MED27: variants seen among roughly 807,000 people sequenced by gnomAD.
MED27 encodes the protein mediator of RNA polymerase II transcription subunit 27.
Under a neutral mutation model 38.2 loss-of-function variants are expected in MED27, and 30 were observed. The ratio of observed to expected loss-of-function variants is 0.79; its 90% confidence interval spans 0.59 to 1.07. The LOEUF (loss-of-function observed/expected upper bound fraction) is 1.07. Ranked by LOEUF, MED27 falls within the 50% of genes least tolerant of loss-of-function variation. MED27 has a pLI of 0.00. For synonymous variants in MED27, 122 were observed against 153.5 expected, an observed-to-expected ratio of 0.79 and a Z score of 1.52; for missense variants, 289 against 397.5, an observed-to-expected ratio of 0.73 and a Z score of 2.32.
intron 2 of MED27, among the ~76,000 whole-genome samples, chr9:132,059,471 C>G (rs1032245134): frequency 1.3e-5 from 2 of 152,234 alleles, no homozygotes; most frequent in Admixed American, 1.3e-4. Context: ...CTAAGACCAA[C>G]CTGCCAGCAA....
intron 6 of MED27, among the ~76,000 whole-genome samples, chr9:131,875,431 C>A (rs573193754): frequency 1.7e-4 from 26 of 152,250 alleles, no homozygotes; most frequent in African/African-American, 4.3e-4. Flanking sequence ...CTGACTCCAG[C>A]CTATACCCTG....
intron 5 of MED27, among the ~76,000 whole-genome samples, chr9:131,888,572 A>G (rs1027076768): frequency 6.6e-6 from 1 of 152,180 alleles, no homozygotes; most frequent in African/African-American, 2.4e-5. Flanking sequence ...TCAGAAAGTT[A>G]TCAATACTTC....
At chr9:131,908,436 C>G (rs374401034) in intron 4 of MED27, among the ~76,000 whole-genome samples, 2 of 152,164 alleles carry the variant, frequency 1.3e-5, no homozygotes, top group Non-Finnish European at 2.9e-5. Flanking sequence ...GAATAGAAAG[C>G]GGGGAAAGGT....
At chr9:131,940,068 G>A (rs1250458280) in intron 3 of MED27, among the ~76,000 whole-genome samples, 11 of 151,688 alleles carry the variant, frequency 7.3e-5, no homozygotes, top group Admixed American at 2.0e-4. Context: ...CACCACACCT[G>A]GCTACTTTTT....
chr9:131,944,791 C>G (rs922169513), intron 3 of MED27, among the ~76,000 whole-genome samples: 30 of 152,074 alleles, frequency 2.0e-4, no homozygotes, highest in African/African-American at 5.6e-4. Flanking sequence ...CTCTGCCTCC[C>G]AAAGTGTTGG....
intron 4 of MED27, among the ~76,000 whole-genome samples, chr9:131,922,442 C>T (rs1397878343): frequency 2.2e-4 from 26 of 120,320 alleles, no homozygotes; most frequent in African/African-American, 7.6e-4. Flanking sequence ...GCTTCTGTGT[C>T]TTTTTTTTTT....
At chr9:132,017,582 C>T (rs997469087) in intron 2 of MED27, among the ~76,000 whole-genome samples, 1 of 152,140 alleles carries the variant, frequency 6.6e-6, no homozygotes, top group Non-Finnish European at 1.5e-5. Flanking sequence ...ACTTTCATAT[C>T]TTACAAGTGC....
intron 2 of MED27, among the ~76,000 whole-genome samples, chr9:132,047,149 A>T (rs1293965927): frequency 6.6e-6 from 1 of 152,072 alleles, no homozygotes. Context: ...TGTTTCAGGG[A>T]TCTCTCTGCC....
At position 131,860,597 on chromosome 9, in the gene MED27, G is replaced by A; in HGVS notation, c.877C>T (p.Pro293Ser). ...RCGKFLQDGL[P>S]PTWRDFRTLE... ...GTTCGGAAATCCCTCCATGTCGGGG[G>A]AAGGCCGTCCTGCAGAAACTTCCCG... Residue 293 changes from proline (P) to serine (S), a missense_variant, in exon 8 of 8, where the codon CCC (proline) becomes TCC (serine). Pro to Ser is a moderately conservative substitution (Grantham distance 74, BLOSUM62 -1). Coordinates refer to ENST00000292035, the MANE Select transcript of MED27 (RefSeq NM_004269.4). The surrounding 1 kb of genome is among the most constrained non-coding windows in gnomAD (Gnocchi z 5.8). The A allele has an allele frequency of 6.2e-7, 1 of 1,606,006 alleles. No homozygotes were observed. Among genetic ancestry groups the A allele is most frequent in the Non-Finnish European group, 8.5e-7 (1 of 1,176,594 alleles).
chr9:131,867,523 A>T (rs1046858733), intron 6 of MED27, among the ~76,000 whole-genome samples: 1 of 152,252 alleles, frequency 6.6e-6, no homozygotes, highest in Admixed American at 6.5e-5. Flanking sequence ...GAAATGGGCC[A>T]CCATGTTGGC....
chr9:131,910,767 C>T (rs1348114452), intron 4 of MED27, among the ~76,000 whole-genome samples: 2 of 152,180 alleles, frequency 1.3e-5, no homozygotes, highest in Non-Finnish European at 2.9e-5. Flanking sequence ...TAAAAAGAGC[C>T]CAACTCTTTG....
At chr9:131,948,595 A>G (rs1042012508) in intron 3 of MED27, among the ~76,000 whole-genome samples, 4 of 152,226 alleles carry the variant, frequency 2.6e-5, no homozygotes, top group Non-Finnish European at 2.9e-5. Context: ...CGTACTGCAG[A>G]CAGAAATAAA....
At chr9:132,054,090 T>C (rs1431219624) in intron 2 of MED27, among the ~76,000 whole-genome samples, 7 of 152,024 alleles carry the variant, frequency 4.6e-5, no homozygotes, top group African/African-American at 1.7e-4. Flanking sequence ...GAAGGTAGCA[T>C]GCTGATATAG....
intron 3 of MED27, among the ~76,000 whole-genome samples, chr9:131,952,588 T>C (rs551419543): frequency 2.0e-5 from 3 of 152,180 alleles, no homozygotes; most frequent in African/African-American, 7.2e-5. Flanking sequence ...ACTGCATCCA[T>C]GGGCTCCTTT....
intron 3 of MED27, among the ~76,000 whole-genome samples, chr9:132,008,873 G>A (rs1004287512): frequency 5.3e-5 from 8 of 152,186 alleles, no homozygotes; most frequent in East Asian, 1.9e-4. Context: ...TTCCTCCACC[G>A]TTTAAAAACA....
intron 2 of MED27, chr9:132,073,868 A>C (rs1833993568): frequency 7.9e-7 from 1 of 1,262,618 alleles, no homozygotes; most frequent in Non-Finnish European, 1.0e-6. Flanking sequence ...AGATGTTGCC[A>C]GGGAAAGGCG....
chr9:131,964,318 T>C, intron 3 of MED27, among the ~76,000 whole-genome samples: 1 of 149,076 alleles, frequency 6.7e-6, no homozygotes, highest in Non-Finnish European at 1.5e-5. Flanking sequence ...GTGCTGGTGC[T>C]GGTGGTGGAG....
chr9:131,896,183 G>A (rs544297803), intron 4 of MED27, among the ~76,000 whole-genome samples: 2 of 152,268 alleles, frequency 1.3e-5, no homozygotes, highest in South Asian at 4.1e-4. Context: ...TTACAGGCAC[G>A]AGCCACCACG....
intron 6 of MED27, among the ~76,000 whole-genome samples, chr9:131,875,971 A>G (rs1838924128): frequency 1.3e-5 from 2 of 152,184 alleles, no homozygotes; most frequent in Non-Finnish European, 2.9e-5. Context: ...ACAGTAGGGG[A>G]GCCGGGACCT....
Sources: gnomAD v4.1 joint callset for allele counts (sites outside exome capture counted in the v4.1 genomes callset) on GRCh38, gnomAD v4.1.1 for gene constraint, Gnocchi (gnomAD v3.1) non-coding constraint, MANE v1.5 for transcripts, NCBI Gene and HGNC (gene_info 2026-07-23, HGNC 2026-07-21) for gene names.